Variants in COL24A1 observed in about 807,000 individuals in gnomAD.
COL24A1 encodes the protein collagen type XXIV alpha 1 chain, also known as collagen alpha-1(XXIV) chain.
A neutral mutation model predicts 253.9 loss-of-function variants in COL24A1; 224 were observed. That is an observed-to-expected ratio of 0.88 (90% confidence interval 0.79 to 0.99). COL24A1 has a LOEUF of 0.99. Among genes scored for constraint, COL24A1 ranks in the 50% least tolerant of loss-of-function variants. The pLI is 0.00. For synonymous variants in COL24A1, 685 were observed against 673.7 expected, an observed-to-expected ratio of 1.02 and a Z score of -0.26; for missense variants, 2,131 against 2,068.5, an observed-to-expected ratio of 1.03 and a Z score of -0.59.
intron 24 of COL24A1, among the ~76,000 whole-genome samples, chr1:85,912,377 A>C (rs1176501024): frequency 6.6e-6 from 1 of 152,180 alleles, no homozygotes; most frequent in Non-Finnish European, 1.5e-5. Context: ...CTTGACAAGA[A>C]CATAATCTCT....
intron 22 of COL24A1, among the ~76,000 whole-genome samples, chr1:85,965,683 G>A (rs886970619): frequency 6.6e-6 from 1 of 152,082 alleles, no homozygotes; most frequent in African/African-American, 2.4e-5. Flanking sequence ...GCCATTTCCT[G>A]GGGGAGTTGG....
intron 23 of COL24A1, among the ~76,000 whole-genome samples, chr1:85,963,085 C>T (rs1691222877): frequency 6.6e-6 from 1 of 152,106 alleles, no homozygotes; most frequent in Non-Finnish European, 1.5e-5. Flanking sequence ...TTTCTTTTCA[C>T]TATCTAATGT....
intron 19 of COL24A1, among the ~76,000 whole-genome samples, chr1:86,003,719 G>C (rs1018788428): frequency 6.6e-6 from 1 of 152,092 alleles, no homozygotes; most frequent in African/African-American, 2.4e-5. Context: ...CCTGAAGTGA[G>C]GATATATAGA....
intron 37 of COL24A1, among the ~76,000 whole-genome samples, chr1:85,867,397 G>A (rs567494722): frequency 3.3e-5 from 5 of 152,344 alleles, no homozygotes; most frequent in Non-Finnish European, 7.4e-5. Flanking sequence ...TAAAGACAGA[G>A]CATCTGGTTT....
At chr1:86,004,077 T>C (rs1414882715) in intron 19 of COL24A1, among the ~76,000 whole-genome samples, 1 of 152,130 alleles carries the variant, frequency 6.6e-6, no homozygotes, top group East Asian at 1.9e-4. Context: ...CCAAGGATGT[T>C]CCAGCTTCTG....
intron 24 of COL24A1, among the ~76,000 whole-genome samples, chr1:85,925,960 C>A (rs988639092): frequency 1.4e-4 from 21 of 152,106 alleles, no homozygotes; most frequent in Non-Finnish European, 2.9e-4. Context: ...CTACAAAGAA[C>A]TTAAACAAAT....
At chr1:86,059,732 T>C (rs1700938741) in intron 8 of COL24A1, among the ~76,000 whole-genome samples, 1 of 152,178 alleles carries the variant, frequency 6.6e-6, no homozygotes, top group Non-Finnish European at 1.5e-5. Context: ...TGAATGTTTG[T>C]GTGCCTCAAA....
intron 14 of COL24A1, among the ~76,000 whole-genome samples, chr1:86,031,575 T>C (rs1698570432): frequency 6.6e-6 from 1 of 152,208 alleles, no homozygotes; most frequent in African/African-American, 2.4e-5. Context: ...GGGTCTTCTA[T>C]GTCTTATGCT....
At chr1:85,870,437 A>G (rs1371153553) in intron 35 of COL24A1, among the ~76,000 whole-genome samples, 1 of 152,080 alleles carries the variant, frequency 6.6e-6, no homozygotes, top group Non-Finnish European at 1.5e-5. Context: ...AATTGACCAC[A>G]TAGTTGGAAG....
At chr1:86,108,651 T>A (rs12047136) in intron 5 of COL24A1, among the ~76,000 whole-genome samples, 13,799 of 110,832 alleles carry the variant, frequency 0.12, 1,105 homozygotes, top group South Asian at 0.23. Flanking sequence ...AAAAAAAAAA[T>A]TTTAAATTAG....
intron 37 of COL24A1, among the ~76,000 whole-genome samples, chr1:85,858,578 G>A (rs922408875): frequency 2.7e-5 from 4 of 147,232 alleles, no homozygotes; most frequent in Non-Finnish European, 6.0e-5. Context: ...CCTTTACCTG[G>A]TCACTCCACA....
chr1:85,885,392 TATA>T (rs1558527471), intron 32 of COL24A1, among the ~76,000 whole-genome samples: 4 of 89,544 alleles, frequency 4.5e-5, no homozygotes, highest in East Asian at 3.7e-4. Context: ...TATATATATA[TATA>T]TATTTTTTTT....
chr1:85,968,106 A>G (rs545018689), intron 22 of COL24A1, among the ~76,000 whole-genome samples: 4 of 152,094 alleles, frequency 2.6e-5, no homozygotes, highest in Admixed American at 1.3e-4. Context: ...TTGGACTCCA[A>G]ATTCTTTAGT....
chr1:86,007,230 A>AAACAAACC (rs1696056798), intron 19 of COL24A1, among the ~76,000 whole-genome samples: 1 of 151,364 alleles, frequency 6.6e-6, no homozygotes, highest in African/African-American at 2.4e-5. Context: ...ACAAACAAAC[A>AAACAAACC]AACAAACCCA....
At chr1:85,885,696 T>G (rs1682416590) in intron 32 of COL24A1, among the ~76,000 whole-genome samples, 1 of 152,090 alleles carries the variant, frequency 6.6e-6, no homozygotes, top group South Asian at 2.1e-4. Flanking sequence ...AAAATGAGGA[T>G]TATATAATTG....
intron 6 of COL24A1, among the ~76,000 whole-genome samples, chr1:86,090,544 T>A (rs982230427): frequency 6.6e-6 from 1 of 152,310 alleles, no homozygotes; most frequent in African/African-American, 2.4e-5. Context: ...AATGGCTAAA[T>A]GGTTAAAATA....
chr1:85,731,944 C>G lies in COL24A1; in HGVS notation c.4999-1252G>C, dbSNP rs564951805. 1.7e-4 allele frequency among the ~76,000 whole-genome samples: 26 copies of G among 152,228 alleles called. No homozygotes were observed. In the South Asian group the frequency reaches 5.2e-3, roughly 30 times the overall value. Reference sequence around the variant, plus strand: ...GAATGGCTTAAGCTGAACACCCATACATATACACACACACAACAACCACCA... The same window carrying G: ...GAATGGCTTAAGCTGAACACCCATAGATATACACACACACAACAACCACCA... On this transcript the variant is annotated intron_variant, in intron 59 of 59. Coordinates refer to ENST00000370571, the MANE Select transcript of COL24A1 (RefSeq NM_152890.7).
intron 37 of COL24A1, among the ~76,000 whole-genome samples, chr1:85,860,323 C>T (rs1333862665): frequency 6.6e-6 from 1 of 152,204 alleles, no homozygotes; most frequent in Non-Finnish European, 1.5e-5. Flanking sequence ...TTCGTCACTT[C>T]CCCCCAAAAT....
chr1:85,822,391 A>C (rs1290641686), intron 45 of COL24A1, among the ~76,000 whole-genome samples: 1 of 152,192 alleles, frequency 6.6e-6, no homozygotes, highest in Non-Finnish European at 1.5e-5. Context: ...GCATTTTCTT[A>C]AGAATTTAAT....
Sources: allele counts gnomAD v4.1 joint callset (sites outside exome capture counted in the v4.1 genomes callset), GRCh38; gene constraint gnomAD v4.1.1; transcripts MANE v1.5; gene names NCBI Gene and HGNC (gene_info 2026-07-23, HGNC 2026-07-21).